F13B: variants seen among roughly 807,000 people sequenced by gnomAD.
F13B encodes the protein coagulation factor XIII B chain, also known as TGase.
A neutral mutation model predicts 79.8 loss-of-function variants in F13B; 58 were observed. The observed-to-expected ratio is 0.73, with a 90% CI of 0.59 to 0.90. The LOEUF (loss-of-function observed/expected upper bound fraction) is 0.90, where lower values mean the gene tolerates loss of function less well. F13B is among the 40% of genes least tolerant of loss of function. The pLI is 0.00. For missense variants in F13B, 773 were observed against 777.0 expected (o/e 0.99, Z 0.06); for synonymous variants, 283 against 260.3 (o/e 1.09, Z -0.84).
chr1:197,055,683 A>G, intron 8 of F13B, 32 bp downstream of exon 8: 3 of 1,605,206 alleles, frequency 1.9e-6, no homozygotes, highest in Non-Finnish European at 2.6e-6. Context: ...TAAAAGTACA[A>G]ACGTAGACAT....
At chr1:197,043,979 G>T (rs1359301463) in intron 10 of F13B, among the ~76,000 whole-genome samples, 1 of 151,784 alleles carries the variant, frequency 6.6e-6, no homozygotes, top group African/African-American at 2.4e-5. Context: ...TCATTGTGTT[G>T]CACTGATCTC....
At chr1:197,042,655 C>CA (rs933019932) in intron 10 of F13B, among the ~76,000 whole-genome samples, 2,922 of 72,248 alleles carry the variant, frequency 0.04, 88 homozygotes, top group African/African-American at 0.086. Context: ...CCCATCTCTA[C>CA]AAAAAAAAAA....
At chr1:197,049,652 G>C (rs1175979673) in intron 10 of F13B, among the ~76,000 whole-genome samples, 2 of 152,014 alleles carry the variant, frequency 1.3e-5, no homozygotes, top group Admixed American at 1.3e-4. Context: ...GGAAGAAATA[G>C]CATCAATCCA....
chr1:197,040,193 G>A (rs945109029), intron 11 of F13B: 1 of 240,348 alleles, frequency 4.2e-6, no homozygotes, highest in Non-Finnish European at 8.1e-6. Flanking sequence ...GTAGGAGAAA[G>A]TGTGATTTTT....
intron 5 of F13B, among the ~76,000 whole-genome samples, chr1:197,057,864 A>C (rs1408066833): frequency 6.6e-6 from 1 of 152,214 alleles, no homozygotes; most frequent in Non-Finnish European, 1.5e-5. Flanking sequence ...GTTAACAGCC[A>C]CAAGAAACAG....
At chr1:197,050,992 C>A in intron 9 of F13B, 113 bp from the exon 10 acceptor site, 1 of 892,354 alleles carries the variant, frequency 1.1e-6, no homozygotes, top group Non-Finnish European at 1.8e-6. Context: ...AGTATGGTGG[C>A]ATGATCATGA....
intron 5 of F13B, among the ~76,000 whole-genome samples, chr1:197,060,128 T>C (rs1655798037): frequency 6.6e-6 from 1 of 152,024 alleles, no homozygotes; most frequent in African/African-American, 2.4e-5. Flanking sequence ...ATAATAGATA[T>C]TTTAAAATAA....
intron 5 of F13B, among the ~76,000 whole-genome samples, chr1:197,057,927 T>A (rs1047574412): frequency 6.6e-6 from 1 of 152,018 alleles, no homozygotes; most frequent in East Asian, 1.9e-4. Context: ...ATAACTACAG[T>A]GAGTTTGGAA....
Position 197,039,499 on chromosome 1 carries a change from A to G in F13B, c.1953-88T>C, listed in dbSNP as rs138524182. The G allele has an allele frequency of 5.4e-4, 541 of 999,754 alleles. 5 individuals carry two copies. The East Asian group carries it at 0.011, about 21-fold the overall frequency. 61.9% of individuals were successfully genotyped at this position (999,754 alleles called of 1,614,324 possible). On this transcript the variant is annotated intron_variant, in intron 11 of 11. Coordinates refer to ENST00000367412, the MANE Select transcript of F13B (RefSeq NM_001994.3). ...TCTCAGCCTTTCAATTTTTCATATAATGAGTCATTGTTTTTATTAAGTACT... is the reference window on the plus strand; with the variant it reads ...TCTCAGCCTTTCAATTTTTCATATAGTGAGTCATTGTTTTTATTAAGTACT...
chr1:197,040,829 T>C, intron 10 of F13B, 94 bp from the exon 11 acceptor site: 1 of 976,360 alleles, frequency 1.0e-6, no homozygotes, highest in Non-Finnish European at 1.5e-6. Flanking sequence ...TGCCTACTCA[T>C]GAGGACCTTA....
At chr1:197,044,317 G>A (rs1045410679) in intron 10 of F13B, among the ~76,000 whole-genome samples, 1 of 152,040 alleles carries the variant, frequency 6.6e-6, no homozygotes, top group African/African-American at 2.4e-5. Flanking sequence ...CAGCGTTATG[G>A]GGGGAGGGTC....
intron 4 of F13B, 24 bp downstream of exon 4, chr1:197,060,875 A>G: frequency 6.2e-7 from 1 of 1,605,996 alleles, no homozygotes; most frequent in Non-Finnish European, 8.5e-7. Flanking sequence ...GTGAGAGTAG[A>G]TTTTATTCCA....
At chr1:197,055,061 A>G (rs1324933339) in intron 8 of F13B, among the ~76,000 whole-genome samples, 1 of 152,060 alleles carries the variant, frequency 6.6e-6, no homozygotes, top group Admixed American at 6.6e-5. Flanking sequence ...TATATATTGT[A>G]GAAGTATGAC....
intron 4 of F13B, 137 bp downstream of exon 4, chr1:197,060,762 T>C: frequency 1.2e-6 from 1 of 824,808 alleles, no homozygotes; most frequent in East Asian, 2.5e-5. Context: ...TATCAAAGAC[T>C]GCTATCAACA....
chr1:197,063,052 G>C lies in F13B; in HGVS notation c.70C>G (p.Pro24Ala). 1 of 1,610,540 alleles carries C rather than the reference G, an allele frequency of 6.2e-7. No individual in the cohort carries two copies. The highest frequency in any genetic ancestry group is 8.5e-7 in the Non-Finnish European group (1 of 1,178,522). ...TTTTCCACATGAGGAAAACCACAGG[G>C]TTTCTCTGAAATGAGTAAATGTCAA... ...ISGELYAEEK[P>A]CGFPHVENGR... is the part of the protein sequence containing the mutation. The change falls in exon 2 of 12, where the codon CCC becomes GCC. Residue 24 changes from proline to alanine, a missense_variant. Pro to Ala is a conservative substitution (Grantham distance 27, BLOSUM62 -1). Coordinates refer to ENST00000367412, the MANE Select transcript of F13B (RefSeq NM_001994.3).
chr1:197,049,089 T>C (rs1655346678), intron 10 of F13B, among the ~76,000 whole-genome samples: 1 of 152,012 alleles, frequency 6.6e-6, no homozygotes, highest in African/African-American at 2.4e-5. Context: ...ATCCAAGATA[T>C]AAAAATGGTT....
At chr1:197,065,106 G>A (rs1656001405) in intron 1 of F13B, among the ~76,000 whole-genome samples, 1 of 152,122 alleles carries the variant, frequency 6.6e-6, no homozygotes, top group South Asian at 2.1e-4. Flanking sequence ...AAGCACCAAA[G>A]GAATTTACAA....
At chr1:197,056,263 C>G (rs538263525) in intron 7 of F13B, among the ~76,000 whole-genome samples, 1 of 152,224 alleles carries the variant, frequency 6.6e-6, no homozygotes, top group South Asian at 2.1e-4. Context: ...TTTCATTCCT[C>G]TTCATCTCAG....
intron 4 of F13B, 109 bp downstream of exon 4, chr1:197,060,790 A>C: frequency 1.8e-6 from 2 of 1,083,756 alleles, no homozygotes; most frequent in South Asian, 2.6e-5. Context: ...AAATAAAGGC[A>C]AAAATGCATG....
Sources: gnomAD v4.1 joint callset for allele counts (sites outside exome capture counted in the v4.1 genomes callset) on GRCh38, gnomAD v4.1.1 for gene constraint, MANE v1.5 for transcripts, NCBI Gene and HGNC (gene_info 2026-07-23, HGNC 2026-07-21) for gene names.